Variants in AQP4 observed in about 807,000 individuals in gnomAD.
The protein encoded by AQP4 is aquaporin 4, also known as aquaporin-4.
In AQP4, 18 loss-of-function variants were observed where a neutral mutation model predicts 27.8. That is an observed-to-expected ratio of 0.65 (90% confidence interval 0.45 to 0.96). The LOEUF (loss-of-function observed/expected upper bound fraction) is 0.96, where lower values mean the gene tolerates loss of function less well. Among genes scored for constraint, AQP4 ranks in the 40% least tolerant of loss-of-function variants. The probability of loss-of-function intolerance (pLI) is 0.00; values close to 1 mark genes in which losing one functional copy is unlikely to be tolerated. For missense variants in AQP4, 412 were observed against 408.2 expected, an observed-to-expected ratio of 1.01 and a Z score of -0.08; for synonymous variants, 141 against 142.9, an observed-to-expected ratio of 0.99 and a Z score of 0.10.
intron 1 of AQP4, among the ~76,000 whole-genome samples, chr18:26,863,994 T>G (rs1355159733): frequency 2.7e-5 from 4 of 146,038 alleles, no homozygotes; most frequent in South Asian, 2.2e-4. Context: ...ATTCCCCTTT[T>G]GGGGGGGGGG....
chr18:26,862,026 T>G, intron 2 of AQP4, 156 bp downstream of exon 2: 1 of 846,282 alleles, frequency 1.2e-6, no homozygotes, highest in Middle Eastern at 3.5e-4. Flanking sequence ...ACCTAAATAC[T>G]GCCAGAATCA....
intron 4 of AQP4, 123 bp downstream of exon 4, chr18:26,860,649 A>G (rs1598514578): frequency 1.2e-6 from 1 of 851,504 alleles, no homozygotes; most frequent in East Asian, 2.4e-5. Flanking sequence ...GATGTAATAA[A>G]GTGAGGGTCA....
chr18:26,860,343 A>T (rs78227379), intron 4 of AQP4, among the ~76,000 whole-genome samples: 1,755 of 152,322 alleles, frequency 0.012, 40 homozygotes, highest in African/African-American at 0.038. Flanking sequence ...AGCGCTTTTA[A>T]GTATTTCATT....
rs1233529096 is a variant in AQP4, at chr18:26,855,901, G to T, written c.*310C>A. ...TAGACGTGTCTTTGAGTTCTGTCAG[G>T]CAAGACTTAACCAAATCTTGACACA... On this transcript the variant is annotated 3_prime_UTR_variant, in exon 5 of 5. Coordinates refer to ENST00000383168, the MANE Select transcript of AQP4 (RefSeq NM_001650.7). 2 of 365,962 alleles carry T rather than the reference G, an allele frequency of 5.5e-6. No individual in the cohort carries two copies. Among genetic ancestry groups the T allele is most frequent in the Non-Finnish European group, 1.0e-5 (2 of 194,294 alleles). 22.7% of individuals were successfully genotyped at this position (365,962 alleles called of 1,614,324 possible).
intron 4 of AQP4, among the ~76,000 whole-genome samples, chr18:26,858,934 C>A (rs984208638): frequency 6.6e-6 from 1 of 152,110 alleles, no homozygotes; most frequent in Non-Finnish European, 1.5e-5. Flanking sequence ...TAATGTTATT[C>A]CTAATCTTTC....
At chr18:26,860,691 C>A (rs570127107) in intron 4 of AQP4, 81 bp downstream of exon 4, 9 of 1,274,586 alleles carry the variant, frequency 7.1e-6, no homozygotes, top group Non-Finnish European at 1.0e-5. Context: ...AAGTAGTAGG[C>A]AAAATAATGA....
At chr18:26,862,119 TTATTTAGCAAA>T (rs1351735591) in intron 2 of AQP4, 52 bp downstream of exon 2, 5 of 1,577,368 alleles carry the variant, frequency 3.2e-6, no homozygotes, top group Non-Finnish European at 4.4e-6. Context: ...CACCAAGGCA[TTATTTAGCAAA>T]GAGTTTGCAA....
rs1263081276 is a variant in AQP4, at chr18:26,855,443, T to A, written c.*768A>T. 1 of 152,306 alleles carries A rather than the reference T, an allele frequency of 6.6e-6. No individual in the cohort carries two copies. The highest frequency in any genetic ancestry group is 1.5e-5 in the Non-Finnish European group (1 of 68,106). The allele number at this position is 152,306 out of a possible 1,614,324, so 9.4% of individuals were successfully genotyped here. ...TACAGATCTCCTTTTTGTTTGTGAT[T>A]TTTGTATGATGATAACTTTGCCTCT... On this transcript the variant is annotated 3_prime_UTR_variant, in exon 5 of 5. Transcript: ENST00000383168.
intron 1 of AQP4, 157 bp downstream of exon 1, chr18:26,865,499 CTT>C: frequency 5.7e-6 from 5 of 884,122 alleles, no homozygotes; most frequent in Non-Finnish European, 7.7e-6. Flanking sequence ...CTATGCCTCT[CTT>C]CTGAAAATGC....
At chr18:26,857,784 C>G (rs1158031478) in intron 4 of AQP4, among the ~76,000 whole-genome samples, 1 of 152,204 alleles carries the variant, frequency 6.6e-6, no homozygotes, top group Non-Finnish European at 1.5e-5. Context: ...TGAGCACTGT[C>G]CCCGGGCCAG....
In AQP4 at chr18:26,862,288, T is replaced by A; in HGVS notation, c.341A>T (p.Lys114Met). 6.2e-7 allele frequency: 1 copy of A among 1,614,198 alleles called. No homozygotes were observed. Among genetic ancestry groups the A allele is most frequent in the Non-Finnish European group, 8.5e-7 (1 of 1,180,038 alleles). ...CTGGGCTGCGATGTAGAAGACAGAC[T>A]TGGCGATGCTGATCTTCCTGGTGCA... ...MVCTRKISIA[K>M]SVFYIAAQCL... is the part of the protein sequence containing the mutation. The change falls in exon 2 of 5, where the codon AAG becomes ATG. Residue 114 changes from lysine to methionine, a missense_variant. Transcript: ENST00000383168.
intron 4 of AQP4, among the ~76,000 whole-genome samples, chr18:26,857,427 C>T (rs1226131492): frequency 2.0e-5 from 3 of 151,962 alleles, no homozygotes; most frequent in East Asian, 3.9e-4. Flanking sequence ...CCCGGGTTCA[C>T]GCCATTCTCC....
rs61731037 is a variant in AQP4 at position 26,861,165 on chromosome 18, A to G, written c.578T>C (p.Ile193Thr). The change falls in exon 3 of 5, where the codon ATT (isoleucine) becomes ACT (threonine). Residue 193 changes from isoleucine to threonine, a missense_variant. By Grantham distance (89) the Ile-to-Thr change is moderately conservative. Transcript: ENST00000383168. The part of the protein sequence containing the change: ...TDVTGSIALA[I>T]GFSVAIGHLF... ...ATGTCCAATTGCAACAGAAAATCCA[A>G]TTGCTAAAGCTATTGAGCCAGTGAC... The G allele has an allele frequency of 4.0e-4, 651 of 1,614,138 alleles. 2 individuals are homozygous for G. In the African/African-American group the frequency reaches 8.1e-3, roughly 20 times the overall value.
chr18:26,865,446 A>T, intron 1 of AQP4: 1 of 660,616 alleles, frequency 1.5e-6, no homozygotes, highest in Non-Finnish European at 2.7e-6. Context: ...TCTGAAACAT[A>T]TGGAGGATTT....
Position 26,854,314 on chromosome 18 carries a change from C to A in AQP4, c.*1897G>T, listed in dbSNP as rs2054804271. The A allele has an allele frequency of 6.6e-6, 1 of 152,224 alleles. No individual in the cohort carries two copies. The highest frequency in any genetic ancestry group is 6.5e-5 in the Admixed American group (1 of 15,292). 9.4% of individuals were successfully genotyped at this position (152,224 alleles called of 1,614,324 possible). A position where few individuals can be genotyped will look rare whatever the true frequency, so the allele number is the denominator to read the frequency against. ...CTGACGGTTGATATTACCTTTTGAACTGAACCACCCTGATTTTAAGCCTCT... is the reference window on the plus strand; with the variant it reads ...CTGACGGTTGATATTACCTTTTGAAATGAACCACCCTGATTTTAAGCCTCT... On this transcript the variant is annotated 3_prime_UTR_variant, in exon 5 of 5. Transcript: ENST00000383168.
chr18:26,864,301 C>T (rs1351923693), intron 1 of AQP4, among the ~76,000 whole-genome samples: 1 of 152,152 alleles, frequency 6.6e-6, no homozygotes, highest in African/African-American at 2.4e-5. Flanking sequence ...ATTTCCAGCT[C>T]AGCCTAGCCC....
At chr18:26,862,834 C>G in intron 1 of AQP4, 1 of 596,192 alleles carries the variant, frequency 1.7e-6, no homozygotes, top group South Asian at 2.1e-5. Flanking sequence ...ATTATCCAAA[C>G]TGTCCCTAGA....
At chr18:26,863,046 G>A in intron 1 of AQP4, 1 of 188,430 alleles carries the variant, frequency 5.3e-6, no homozygotes, top group South Asian at 9.3e-5. Context: ...GCTTTGAAAT[G>A]GCATTCTGAA....
At chr18:26,863,939 G>A (rs1189695387) in intron 1 of AQP4, among the ~76,000 whole-genome samples, 3 of 151,886 alleles carry the variant, frequency 2.0e-5, no homozygotes, top group African/African-American at 7.3e-5. Flanking sequence ...GGGGTGGTTT[G>A]ACGATATTGA....
Sources: allele counts gnomAD v4.1 joint callset (sites outside exome capture counted in the v4.1 genomes callset), GRCh38; gene constraint gnomAD v4.1.1; transcripts MANE v1.5; gene names NCBI Gene and HGNC (gene_info 2026-07-23, HGNC 2026-07-21).